Variants in LAPTM4B observed in about 807,000 individuals in gnomAD.
The protein encoded by LAPTM4B is lysosomal protein transmembrane 4 beta, also known as lysosomal-associated transmembrane protein 4B.
Under a neutral mutation model 28.5 loss-of-function variants are expected in LAPTM4B, and 26 were observed. That is an observed-to-expected ratio of 0.91 (90% CI 0.67 to 1.27). The LOEUF is 1.27. LAPTM4B is among the 50% of genes most tolerant of loss of function. LAPTM4B has a pLI of 0.00. For missense variants in LAPTM4B, 288 were observed against 285.8 expected (o/e 1.01, Z -0.06); for synonymous variants, 109 against 106.4 (o/e 1.02, Z -0.15).
At chr8:97,836,014 G>C (rs1233957882) in intron 6 of LAPTM4B, among the ~76,000 whole-genome samples, 3 of 152,084 alleles carry the variant, frequency 2.0e-5, no homozygotes, top group Non-Finnish European at 4.4e-5. Flanking sequence ...TGCTCCTTTT[G>C]AGAATCTAAT....
At chr8:97,824,630 C>A (rs1817065555) in intron 5 of LAPTM4B, among the ~76,000 whole-genome samples, 1 of 152,004 alleles carries the variant, frequency 6.6e-6, no homozygotes, top group Non-Finnish European at 1.5e-5. Flanking sequence ...GTAATAAAAT[C>A]ACAGATAATC....
intron 1 of LAPTM4B, among the ~76,000 whole-genome samples, chr8:97,782,312 A>G (rs1233665012): frequency 1.3e-5 from 1 of 78,584 alleles, no homozygotes; most frequent in African/African-American, 5.9e-5. Context: ...TTTTTGTGAC[A>G]AGATCTCACT....
At chr8:97,782,083 C>G (rs2129720460) in intron 1 of LAPTM4B, among the ~76,000 whole-genome samples, 1 of 150,826 alleles carries the variant, frequency 6.6e-6, no homozygotes, top group East Asian at 2.0e-4. Flanking sequence ...CAGGTTCAAG[C>G]AATTCTCCTG....
chr8:97,776,452 G>A (rs1311973028), intron 1 of LAPTM4B, among the ~76,000 whole-genome samples: 3 of 152,242 alleles, frequency 2.0e-5, no homozygotes, highest in Non-Finnish European at 4.4e-5. Context: ...CTTATCTGCC[G>A]AGCACGTGTT....
At chr8:97,817,102 G>A (rs1341637635) in intron 4 of LAPTM4B, among the ~76,000 whole-genome samples, 1 of 152,074 alleles carries the variant, frequency 6.6e-6, no homozygotes, top group African/African-American at 2.4e-5. Context: ...TGGTGGCAGG[G>A]TATTAAGAAG....
At chr8:97,791,967 G>A (rs967751451) in intron 1 of LAPTM4B, among the ~76,000 whole-genome samples, 1 of 152,144 alleles carries the variant, frequency 6.6e-6, no homozygotes, top group Non-Finnish European at 1.5e-5. Flanking sequence ...GGATGGTACT[G>A]TTGACTGAAC....
At chr8:97,780,831 G>C (rs945553911) in intron 1 of LAPTM4B, among the ~76,000 whole-genome samples, 6 of 152,084 alleles carry the variant, frequency 3.9e-5, no homozygotes, top group Non-Finnish European at 7.4e-5. Context: ...TTTTCCTTCA[G>C]TCCTGAAGTA....
At chr8:97,794,099 C>T (rs1563604018) in intron 1 of LAPTM4B, among the ~76,000 whole-genome samples, 1 of 152,140 alleles carries the variant, frequency 6.6e-6, no homozygotes. Context: ...CCTGCCTCAG[C>T]CTCCCAAGTA....
At chr8:97,814,767 C>A (rs1166205484) in intron 2 of LAPTM4B, among the ~76,000 whole-genome samples, 15 of 151,950 alleles carry the variant, frequency 9.9e-5, no homozygotes, top group African/African-American at 3.4e-4. Flanking sequence ...GATCTCGGCT[C>A]ACTGCAAGCT....
chr8:97,838,845 A>G (rs1432607569), intron 6 of LAPTM4B, among the ~76,000 whole-genome samples: 1 of 149,544 alleles, frequency 6.7e-6, no homozygotes, highest in African/African-American at 2.4e-5. Flanking sequence ...AGTGGAAGGG[A>G]GGGGTGGGTA....
At chr8:97,790,196 G>C (rs1456213018) in intron 1 of LAPTM4B, among the ~76,000 whole-genome samples, 1 of 146,538 alleles carries the variant, frequency 6.8e-6, no homozygotes, top group Non-Finnish European at 1.5e-5. Flanking sequence ...TTTTTTTTTT[G>C]ATAAGCTTAT....
In LAPTM4B at chr8:97,827,189, T is replaced by C. The variant is rs552773348; in HGVS notation, c.603+2036T>C. On this transcript the variant is annotated intron_variant, in intron 6 of 6. Transcript: ENST00000521545. ...CATAGCCATTGTTAGTCTTTGGTTA[T>C]TACCCTAGGTGTGTCAGGTCTTAGG... Among the ~76,000 whole-genome samples the C allele has an allele frequency of 9.8e-5, 15 of 152,358 alleles. No individual in the cohort carries two copies. The East Asian group carries it at 2.9e-3, about 29-fold the overall frequency.
intron 1 of LAPTM4B, among the ~76,000 whole-genome samples, chr8:97,785,367 A>T (rs761804697): frequency 9.9e-5 from 15 of 152,092 alleles, no homozygotes; most frequent in Non-Finnish European, 1.0e-4. Context: ...CTCTTATCAC[A>T]CTTTTATGGT....
rs1816744079 is a variant in LAPTM4B, at chr8:97,805,398, G to A, written c.145G>A (p.Asp49Asn). The A allele has an allele frequency of 6.2e-7, 1 of 1,608,778 alleles. No homozygotes were observed. Among genetic ancestry groups the A allele is most frequent in the South Asian group, 1.1e-5 (1 of 90,932 alleles). ...GTTGATTTTATTGAGTGCCCTGGCT[G>A]ATCCGGATCAGTATAACTTTTCAAG... is the stretch of plus-strand genomic sequence containing the variant. ...VLLILLSALA[D>N]PDQYNFSSSE... Residue 49 changes from aspartate to asparagine, a missense_variant, in exon 2 of 7, where the codon GAT becomes AAT. By Grantham distance (23) the Asp-to-Asn change is conservative (BLOSUM62 1). Transcript: ENST00000521545.
At chr8:97,802,696 G>T (rs931715802) in intron 1 of LAPTM4B, among the ~76,000 whole-genome samples, 4 of 152,058 alleles carry the variant, frequency 2.6e-5, no homozygotes, top group African/African-American at 9.7e-5. Flanking sequence ...TAATGGAGTC[G>T]CTTTGGTTCA....
chr8:97,832,518 C>G (rs1275534671), intron 6 of LAPTM4B, among the ~76,000 whole-genome samples: 1 of 151,962 alleles, frequency 6.6e-6, no homozygotes, highest in Non-Finnish European at 1.5e-5. Flanking sequence ...TCCCAATGAG[C>G]CATTTTTTAA....
At chr8:97,825,658 A>G (rs1041344367) in intron 6 of LAPTM4B, among the ~76,000 whole-genome samples, 1 of 152,236 alleles carries the variant, frequency 6.6e-6, no homozygotes, top group Non-Finnish European at 1.5e-5. Flanking sequence ...CTAGTTGCTC[A>G]TACTTTAAAA....
At chr8:97,810,003 T>TACTGCAATCCCTACCTCTTGGGCTC (rs1816802858) in intron 2 of LAPTM4B, among the ~76,000 whole-genome samples, 1 of 152,166 alleles carries the variant, frequency 6.6e-6, no homozygotes, top group African/African-American at 2.4e-5. Context: ...AATCTGGGCT[T>TACTGCAATCCCTACCTCTTGGGCTC]ACTGCAATCC....
In LAPTM4B at chr8:97,816,182, T is replaced by C. The variant is rs1483941761; in HGVS notation, c.408+2T>C. 6 of 1,573,792 alleles carry C rather than the reference T, an allele frequency of 3.8e-6. No individual in the cohort carries two copies. The Admixed American group carries it at 6.9e-5, about 18-fold the overall frequency. On this transcript the variant is annotated splice_donor_variant, in intron 4 of 6. Transcript: ENST00000521545. LOFTEE classifies it high-confidence loss of function. ...ATTCAGGAATACATACGGCAACTGG[T>C]ACGTGGACCTCTTACTGCTCCTTTT... is the stretch of plus-strand genomic sequence containing the variant.
Sources: allele counts gnomAD v4.1 joint callset (sites outside exome capture counted in the v4.1 genomes callset), GRCh38; gene constraint gnomAD v4.1.1; transcripts MANE v1.5; gene names NCBI Gene and HGNC (gene_info 2026-07-23, HGNC 2026-07-21).